Variants in NPTXR observed in about 807,000 individuals in gnomAD.
NPTXR encodes the protein neuronal pentraxin receptor.
NPTXR carries 12 observed loss-of-function variants against 32.2 expected under a neutral mutation model. The observed-to-expected ratio is 0.37, with a 90% CI of 0.24 to 0.60. NPTXR has a LOEUF of 0.60. Among genes scored for constraint, NPTXR ranks in the 20% least tolerant of loss-of-function variants. NPTXR has a pLI of 0.66. For missense variants in NPTXR, 612 were observed against 682.9 expected, an observed-to-expected ratio of 0.90 and a Z score of 1.16; for synonymous variants, 323 against 315.8, an observed-to-expected ratio of 1.02 and a Z score of -0.24.
chr22:38,826,634 A>G lies in NPTXR; in HGVS notation c.964T>C (p.Cys322Arg), dbSNP rs2093107343. The change falls in exon 3 of 5, where the codon TGC (cysteine) becomes CGC (arginine). Residue 322 changes from cysteine to arginine, a missense_variant. Transcript: ENST00000333039. Reference sequence around the variant, plus strand: ...CTGGACCTGGACCGCAGCCACATGCAGGCGGTGAATGCGTAGAGCTCGGGC... The same window carrying G: ...CTGGACCTGGACCGCAGCCACATGCGGGCGGTGAATGCGTAGAGCTCGGGC... 6.2e-7 allele frequency: 1 copy of G among 1,614,150 alleles called. No individual in the cohort carries two copies.
At chr22:38,829,447 G>C (rs1440118263) in intron 1 of NPTXR, among the ~76,000 whole-genome samples, 1 of 152,176 alleles carries the variant, frequency 6.6e-6, no homozygotes, top group African/African-American at 2.4e-5. Context: ...GAGGAACGCA[G>C]GTGAGGCCGC....
intron 3 of NPTXR, 102 bp downstream of exon 3, chr22:38,826,398 G>A (rs2093106610): frequency 1.5e-6 from 2 of 1,366,430 alleles, no homozygotes; most frequent in East Asian, 4.6e-5. Flanking sequence ...TGAATATGCA[G>A]AGCAGGAGAA....
rs372965240 is a variant in NPTXR at position 38,823,185 on chromosome 22, T to C, written c.1176A>G (p.Leu392=). The C allele has an allele frequency of 5.0e-6, 8 of 1,613,950 alleles. No homozygotes were observed. In the African/African-American group the frequency reaches 9.3e-5, roughly 19 times the overall value. The stretch of plus-strand genomic sequence containing the variant: ...GCTCCCCGTCCTGGTAGGCAGACCA[T>C]AGGCCATCCCTTGTGGTCCAGGCGA... The change falls in exon 4 of 5, where the codon CTA becomes CTG. Residue 392 remains leucine (L), a synonymous_variant. Coordinates refer to ENST00000333039, the MANE Select transcript of NPTXR (RefSeq NM_014293.4).
intron 1 of NPTXR, among the ~76,000 whole-genome samples, chr22:38,836,397 C>T (rs1293096215): frequency 1.3e-5 from 2 of 152,208 alleles, no homozygotes; most frequent in African/African-American, 4.8e-5. Flanking sequence ...AAGGCTCGTC[C>T]GCGCAACGGA....
At chr22:38,828,674 C>T (rs559852423) in intron 1 of NPTXR, among the ~76,000 whole-genome samples, 162 bp from the exon 2 acceptor site, 3 of 152,352 alleles carry the variant, frequency 2.0e-5, no homozygotes, top group South Asian at 4.1e-4. Context: ...ACAGATGCAT[C>T]CTGGGTCCCT....
At chr22:38,824,587 T>G (rs573652054) in intron 3 of NPTXR, among the ~76,000 whole-genome samples, 2 of 151,748 alleles carry the variant, frequency 1.3e-5, no homozygotes, top group South Asian at 2.1e-4. Context: ...ACAGAAGGAG[T>G]AAAGGCTTAG....
chr22:38,823,347 AC>A, intron 3 of NPTXR, 85 bp from the exon 4 acceptor site: 2 of 1,284,614 alleles, frequency 1.6e-6, no homozygotes, highest in Non-Finnish European at 2.2e-6. Flanking sequence ...GGCTGGGGAG[AC>A]CCATGTCCAT....
intron 1 of NPTXR, among the ~76,000 whole-genome samples, chr22:38,833,123 G>A (rs2093118870): frequency 6.6e-6 from 1 of 152,146 alleles, no homozygotes; most frequent in African/African-American, 2.4e-5. Context: ...GGCCTACACT[G>A]CTGGTCTGGG....
intron 1 of NPTXR, among the ~76,000 whole-genome samples, chr22:38,831,600 C>A (rs886237368): frequency 1.3e-5 from 2 of 152,132 alleles, no homozygotes; most frequent in African/African-American, 4.8e-5. Context: ...GTGACAGGGT[C>A]AGCCACCCAC....
rs968653900 is a variant in NPTXR, at chr22:38,819,762, G to A, written c.*2847C>T. On this transcript the variant is annotated 3_prime_UTR_variant, in exon 5 of 5. Coordinates refer to ENST00000333039, the MANE Select transcript of NPTXR (RefSeq NM_014293.4). ...GTGGTTATCAGCCAGGAGCAGCTCA[G>A]GATGTGACTGGGCCATGTCTGACTC... 2.0e-5 allele frequency: 3 copies of A among 152,568 alleles called. No homozygotes were observed. The highest frequency in any genetic ancestry group is 2.0e-4 in the Admixed American group (3 of 15,288). The allele number at this position is 152,568 out of a possible 1,614,324, so 9.5% of individuals were successfully genotyped here. A position where few individuals can be genotyped will look rare whatever the true frequency, so the allele number is the denominator to read the frequency against.
chr22:38,837,845 T>TTTTATTTTATTTTATTTTATTTTA (rs2093126267), intron 1 of NPTXR, among the ~76,000 whole-genome samples: 1 of 139,898 alleles, frequency 7.1e-6, no homozygotes, highest in Non-Finnish European at 1.6e-5. Flanking sequence ...TTATTTTTAT[T>TTTTATTTTATTTTATTTTATTTTA]TTTTATTTTA....
At chr22:38,835,707 G>T (rs1013695626) in intron 1 of NPTXR, among the ~76,000 whole-genome samples, 17 of 152,262 alleles carry the variant, frequency 1.1e-4, no homozygotes, top group Middle Eastern at 6.8e-3. Flanking sequence ...GCAGATGGAG[G>T]TCCCCCACCC....
At chr22:38,831,371 C>T (rs755261865) in intron 1 of NPTXR, among the ~76,000 whole-genome samples, 16 of 152,160 alleles carry the variant, frequency 1.1e-4, no homozygotes, top group Non-Finnish European at 1.8e-4. Flanking sequence ...CATACCACTG[C>T]ACTCCAGCCT....
chr22:38,835,544 C>A (rs533264478), intron 1 of NPTXR, among the ~76,000 whole-genome samples: 16 of 152,270 alleles, frequency 1.1e-4, no homozygotes, highest in African/African-American at 3.9e-4. Flanking sequence ...GGGTCCGAGA[C>A]CCCAGACCGT....
At chr22:38,830,389 C>T (rs563356400) in intron 1 of NPTXR, among the ~76,000 whole-genome samples, 11 of 152,316 alleles carry the variant, frequency 7.2e-5, no homozygotes, top group African/African-American at 2.2e-4. Flanking sequence ...CTGAATGGGA[C>T]GCTCTTGCTG....
intron 2 of NPTXR, 34 bp from the exon 3 acceptor site, chr22:38,826,781 G>A (rs768498724): frequency 1.4e-5 from 23 of 1,592,216 alleles, no homozygotes; most frequent in Middle Eastern, 1.7e-4. Context: ...GGTGGAGGTC[G>A]GTGGACACCG....
chr22:38,838,728 C>T (rs2093127887), intron 1 of NPTXR, among the ~76,000 whole-genome samples: 1 of 151,982 alleles, frequency 6.6e-6, no homozygotes, highest in African/African-American at 2.4e-5. Flanking sequence ...ACTACAGGTG[C>T]CCGCCACCAT....
In NPTXR at chr22:38,834,635, T is replaced by TCCAC. The variant is rs1485485545; in HGVS notation, c.625-6124_625-6123insGTGG. Among the ~76,000 whole-genome samples, 4 of 150,578 alleles carry TCCAC rather than the reference T, an allele frequency of 2.7e-5. No individual in the cohort carries two copies. Among genetic ancestry groups the TCCAC allele is most frequent in the African/African-American group, 9.9e-5 (4 of 40,396 alleles). ...ATCCATCCATCCATCCATCCATCCA[T>TCCAC]CCATGTGTGCCGCAGCAACATGGCG... On this transcript the variant is annotated intron_variant, in intron 1 of 4. Transcript: ENST00000333039. The surrounding 1 kb of genome is among the most constrained non-coding windows in gnomAD (Gnocchi z 4.4).
chr22:38,841,834 T>TGG (rs2093132102), intron 1 of NPTXR, among the ~76,000 whole-genome samples: 2 of 152,182 alleles, frequency 1.3e-5, no homozygotes, highest in African/African-American at 4.8e-5. Flanking sequence ...TACTTTCACC[T>TGG]TTTTCCTGAT....
Sources: gnomAD v4.1 joint callset for allele counts (sites outside exome capture counted in the v4.1 genomes callset) on GRCh38, gnomAD v4.1.1 for gene constraint, Gnocchi (gnomAD v3.1) non-coding constraint, MANE v1.5 for transcripts, NCBI Gene and HGNC (gene_info 2026-07-23, HGNC 2026-07-21) for gene names.